Variants in PHLPP1 observed in about 807,000 individuals in gnomAD.
PHLPP1 encodes the protein PH domain leucine-rich repeat-containing protein phosphatase 1.
In PHLPP1, 42 loss-of-function variants were observed where a neutral mutation model predicts 117.2. The observed-to-expected ratio is 0.36, with a 90% CI of 0.28 to 0.46. The LOEUF (loss-of-function observed/expected upper bound fraction) is 0.46. Among genes scored for constraint, PHLPP1 ranks in the 20% least tolerant of loss-of-function variants. The probability of loss-of-function intolerance (pLI) is 1.00; values close to 1 mark genes in which losing one functional copy is unlikely to be tolerated. For synonymous variants in PHLPP1, 1,042 were observed against 970.7 expected (o/e 1.07, Z -1.37); for missense variants, 2,084 against 2,241.9 (o/e 0.93, Z 1.42).
At chr18:62,898,237 T>G (rs1264423162) in intron 6 of PHLPP1, among the ~76,000 whole-genome samples, 2 of 152,240 alleles carry the variant, frequency 1.3e-5, no homozygotes, top group Admixed American at 6.5e-5. Context: ...GTTTTCCCTA[T>G]TCACACATTT....
At chr18:62,780,112 G>A (rs1412042740) in intron 1 of PHLPP1, among the ~76,000 whole-genome samples, 1 of 152,152 alleles carries the variant, frequency 6.6e-6, no homozygotes, top group African/African-American at 2.4e-5. Context: ...TTTATAGGTT[G>A]TATGCGTATG....
chr18:62,895,719 G>A (rs1916543216), intron 5 of PHLPP1, 62 bp from the exon 6 acceptor site: 1 of 1,042,792 alleles, frequency 9.6e-7, no homozygotes, highest in South Asian at 1.3e-5. Flanking sequence ...GAACTTGTAT[G>A]TTGATAATAA....
chr18:62,964,593 A>G (rs1910854372), intron 14 of PHLPP1, among the ~76,000 whole-genome samples: 1 of 152,174 alleles, frequency 6.6e-6, no homozygotes, highest in Non-Finnish European at 1.5e-5. Flanking sequence ...AGGCAGAATA[A>G]CCCGAGGAGG....
At chr18:62,890,983 G>A (rs1217883448) in intron 4 of PHLPP1, among the ~76,000 whole-genome samples, 1 of 152,138 alleles carries the variant, frequency 6.6e-6, no homozygotes, top group African/African-American at 2.4e-5. Context: ...TGATGCCTAG[G>A]ATAAACATTT....
chr18:62,977,158 A>G (rs922920359), intron 16 of PHLPP1, among the ~76,000 whole-genome samples: 5 of 152,180 alleles, frequency 3.3e-5, no homozygotes, highest in African/African-American at 1.2e-4. Context: ...TTACCTGCTT[A>G]TAAGTGTGGT....
intron 8 of PHLPP1, among the ~76,000 whole-genome samples, chr18:62,912,279 G>T (rs1342031171): frequency 2.8e-5 from 4 of 141,992 alleles, no homozygotes; most frequent in African/African-American, 1.1e-4. Flanking sequence ...ATGTGCACAT[G>T]TACCCTAAAA....
At chr18:62,912,755 G>A (rs577431445) in intron 8 of PHLPP1, among the ~76,000 whole-genome samples, 147 of 152,184 alleles carry the variant, frequency 9.7e-4, no homozygotes, top group Non-Finnish European at 1.6e-3. Context: ...GAGCAGCTGG[G>A]ATTACAGGCA....
chr18:62,902,971 G>C lies in PHLPP1; in HGVS notation c.2452G>C (p.Val818Leu). 6.2e-7 allele frequency: 1 copy of C among 1,608,484 alleles called. No homozygotes were observed. Among genetic ancestry groups the C allele is most frequent in the Non-Finnish European group, 8.5e-7 (1 of 1,177,292 alleles). ...ATGTCCTTTGCCCTCAAGGTTGAACGTAATTAGGAAGCTGATAGCAGATGA... is the reference window on the plus strand; with the variant it reads ...ATGTCCTTTGCCCTCAAGGTTGAACCTAATTAGGAAGCTGATAGCAGATGA... ...HIKHVDLRLNVIRKLIADEVD... is the reference protein window; with the variant it reads ...HIKHVDLRLNLIRKLIADEVD... The change falls in exon 7 of 17, where the codon GTA becomes CTA. Residue 818 changes from valine to leucine, a missense_variant. Physicochemically the swap from Val to Leu is conservative, Grantham distance 32. This residue lies in a region of PHLPP1 where 1,365 missense variants were observed against 1,605.9 expected (regional missense o/e 0.85). Coordinates refer to ENST00000262719, the MANE Select transcript of PHLPP1 (RefSeq NM_194449.4).
At chr18:62,875,055 A>G (rs1288065794) in intron 4 of PHLPP1, among the ~76,000 whole-genome samples, 2 of 152,174 alleles carry the variant, frequency 1.3e-5, no homozygotes, top group Admixed American at 1.3e-4. Flanking sequence ...CCCGGGTTCA[A>G]GCGATTCTCA....
At chr18:62,721,963 C>T (rs1230562684) in intron 1 of PHLPP1, among the ~76,000 whole-genome samples, 14 of 152,146 alleles carry the variant, frequency 9.2e-5, no homozygotes, top group African/African-American at 3.1e-4. Flanking sequence ...TAGTCCTTGG[C>T]ATTTTAGTTT....
intron 4 of PHLPP1, among the ~76,000 whole-genome samples, chr18:62,862,722 G>GTTT (rs1374607282): frequency 6.6e-6 from 1 of 152,118 alleles, no homozygotes; most frequent in Admixed American, 6.6e-5. Context: ...CACCAGAAGT[G>GTTT]TTTTTTGTGT....
intron 4 of PHLPP1, among the ~76,000 whole-genome samples, chr18:62,888,538 C>A (rs1395687574): frequency 6.6e-6 from 1 of 151,832 alleles, no homozygotes; most frequent in Non-Finnish European, 1.5e-5. Flanking sequence ...CTGTCTTTAC[C>A]AAAAATACAA....
chr18:62,843,729 G>T (rs953790916), intron 3 of PHLPP1, among the ~76,000 whole-genome samples: 2 of 152,120 alleles, frequency 1.3e-5, no homozygotes, highest in African/African-American at 4.8e-5. Flanking sequence ...GTAAAAAACG[G>T]CTCTGTTTGT....
At chr18:62,760,294 C>T (rs1475545544) in intron 1 of PHLPP1, among the ~76,000 whole-genome samples, 2 of 152,180 alleles carry the variant, frequency 1.3e-5, no homozygotes, top group African/African-American at 4.8e-5. Context: ...CACATGGTCT[C>T]CTGTTCCCAG....
intron 10 of PHLPP1, 55 bp from the exon 11 acceptor site, chr18:62,941,663 T>C: frequency 7.6e-7 from 1 of 1,322,212 alleles, no homozygotes; most frequent in Non-Finnish European, 1.1e-6. Context: ...CTTTTAGGTT[T>C]CTTGAGGGTT....
At chr18:62,738,391 A>G (rs1446686884) in intron 1 of PHLPP1, among the ~76,000 whole-genome samples, 2 of 152,236 alleles carry the variant, frequency 1.3e-5, no homozygotes, top group Non-Finnish European at 2.9e-5. Flanking sequence ...CAACAATGCA[A>G]CAATAAAAAA....
intron 4 of PHLPP1, among the ~76,000 whole-genome samples, chr18:62,871,795 C>T (rs911902003): frequency 1.3e-5 from 2 of 152,078 alleles, no homozygotes; most frequent in Admixed American, 6.6e-5. Context: ...CAGGCACGCG[C>T]CACCACGCCC....
intron 14 of PHLPP1, among the ~76,000 whole-genome samples, chr18:62,968,110 A>G (rs1219570450): frequency 2.6e-5 from 4 of 152,214 alleles, no homozygotes; most frequent in African/African-American, 9.6e-5. Context: ...GGCGTGAGCT[A>G]CCACACCCAG....
intron 1 of PHLPP1, among the ~76,000 whole-genome samples, chr18:62,824,505 A>G (rs1170281807): frequency 6.6e-6 from 1 of 152,162 alleles, no homozygotes; most frequent in Non-Finnish European, 1.5e-5. Context: ...GGAGGGAGAA[A>G]TCACAATGGG....
Sources: gnomAD v4.1 joint callset for allele counts (sites outside exome capture counted in the v4.1 genomes callset) on GRCh38, gnomAD v4.1.1 for gene constraint, gnomAD v4.1.1 regional missense constraint, MANE v1.5 for transcripts, NCBI Gene and HGNC (gene_info 2026-07-23, HGNC 2026-07-21) for gene names.